The following STK32B variants were observed in gnomAD, a reference collection of about 807,000 sequenced individuals.
The protein encoded by STK32B is serine/threonine kinase 32B.
STK32B carries 43 observed loss-of-function variants against 52.6 expected under a neutral mutation model. The ratio of observed to expected loss-of-function variants is 0.82; its 90% CI spans 0.64 to 1.05. The LOEUF is 1.05. Among genes scored for constraint, STK32B ranks in the 50% least tolerant of loss-of-function variants. STK32B has a pLI of 0.00. For synonymous variants in STK32B, 238 were observed against 204.3 expected (o/e 1.17, Z -1.41); for missense variants, 621 against 534.6 (o/e 1.16, Z -1.59).
chr4:5,332,444 A>G (rs1229758484), intron 4 of STK32B, among the ~76,000 whole-genome samples: 4 of 152,128 alleles, frequency 2.6e-5, no homozygotes, highest in Non-Finnish European at 5.9e-5. Context: ...TGGTGAAAAG[A>G]GGCTATAATA....
At chr4:5,118,973 A>G (rs950196780) in intron 1 of STK32B, among the ~76,000 whole-genome samples, 3 of 152,290 alleles carry the variant, frequency 2.0e-5, no homozygotes, top group East Asian at 3.9e-4. Flanking sequence ...CCCCACACCC[A>G]GGAGCCTTTT....
intron 3 of STK32B, among the ~76,000 whole-genome samples, chr4:5,281,174 C>T (rs1728170750): frequency 6.6e-6 from 1 of 152,006 alleles, no homozygotes; most frequent in Non-Finnish European, 1.5e-5. Context: ...ATGAGAACAG[C>T]AAGGGGGAAA....
chr4:5,260,646 G>T (rs922226632), intron 3 of STK32B, among the ~76,000 whole-genome samples: 4 of 152,192 alleles, frequency 2.6e-5, no homozygotes, highest in Non-Finnish European at 5.9e-5. Context: ...GAAGTGAATG[G>T]CCTATTAGGG....
intron 3 of STK32B, among the ~76,000 whole-genome samples, chr4:5,173,592 G>A (rs1035241833): frequency 6.6e-6 from 1 of 152,180 alleles, no homozygotes; most frequent in African/African-American, 2.4e-5. Flanking sequence ...AGGTTGTTAA[G>A]TTTCCATGTA....
chr4:5,451,605 C>T (rs745523120), intron 7 of STK32B, among the ~76,000 whole-genome samples: 3 of 152,104 alleles, frequency 2.0e-5, no homozygotes, highest in Non-Finnish European at 1.5e-5. Flanking sequence ...AGTACAGGCC[C>T]GTGGTACAGG....
At chr4:5,137,991 G>A (rs1042786039) in intron 1 of STK32B, among the ~76,000 whole-genome samples, 2 of 152,168 alleles carry the variant, frequency 1.3e-5, no homozygotes, top group Admixed American at 6.5e-5. Context: ...TGGGGACCTC[G>A]GGAGTTTCTC....
intron 4 of STK32B, among the ~76,000 whole-genome samples, chr4:5,379,432 C>A (rs75419638): frequency 3.3e-5 from 5 of 152,138 alleles, no homozygotes; most frequent in Non-Finnish European, 2.9e-5. Context: ...GAGGCTCCCC[C>A]ACTCTGGTAC....
At chr4:5,174,217 C>T (rs573531068) in intron 3 of STK32B, among the ~76,000 whole-genome samples, 26 of 152,234 alleles carry the variant, frequency 1.7e-4, no homozygotes, top group Middle Eastern at 3.4e-3. Flanking sequence ...GATGGGTTTC[C>T]TGAATACAGG....
chr4:5,102,452 C>CCTTG (rs1468005109), intron 1 of STK32B, among the ~76,000 whole-genome samples: 3 of 70,764 alleles, frequency 4.2e-5, no homozygotes, highest in Non-Finnish European at 6.8e-5. Context: ...TTCCTTCCTT[C>CCTTG]CTTCCTTCCT....
At chr4:5,033,318 GA>G in the STK32B span, among the ~76,000 whole-genome samples, 4 of 152,136 alleles carry the variant, frequency 2.6e-5, no homozygotes, top group Admixed American at 2.0e-4. Context: ...ATGGCCCGTG[GA>G]AACCCTGCTT....
intron 6 of STK32B, among the ~76,000 whole-genome samples, chr4:5,419,667 C>G (rs1712461845): frequency 6.6e-6 from 1 of 152,146 alleles, no homozygotes; most frequent in Non-Finnish European, 1.5e-5. Flanking sequence ...CTACCATGCG[C>G]TTCTTGTCAC....
intron 4 of STK32B, among the ~76,000 whole-genome samples, chr4:5,343,995 A>G (rs1733281596): frequency 6.6e-6 from 1 of 152,214 alleles, no homozygotes; most frequent in Admixed American, 6.5e-5. Flanking sequence ...ATAGGAAAAT[A>G]GAGCAAATGA....
chr4:5,408,750 G>C (rs1306419521), intron 5 of STK32B, among the ~76,000 whole-genome samples: 1 of 152,046 alleles, frequency 6.6e-6, no homozygotes, highest in Non-Finnish European at 1.5e-5. Flanking sequence ...CCTAGCCCCT[G>C]TCTTCATGAG....
At chr4:5,260,360 G>A (rs1336840146) in intron 3 of STK32B, among the ~76,000 whole-genome samples, 1 of 152,188 alleles carries the variant, frequency 6.6e-6, no homozygotes, top group Admixed American at 6.5e-5. Context: ...TGAGATGATT[G>A]AGATGGGGCC....
At chr4:5,358,700 T>TC (rs1560349827) in intron 4 of STK32B, among the ~76,000 whole-genome samples, 17 of 112,692 alleles carry the variant, frequency 1.5e-4, no homozygotes, top group African/African-American at 5.2e-4. Flanking sequence ...TTCACACACA[T>TC]GCACACACAC....
intron 11 of STK32B, among the ~76,000 whole-genome samples, chr4:5,478,444 G>A (rs1718404592): frequency 6.6e-6 from 1 of 152,226 alleles, no homozygotes. Flanking sequence ...TCAGGCAACA[G>A]CTGATAAGAC....
chr4:5,217,388 C>T (rs1213284231), intron 3 of STK32B, among the ~76,000 whole-genome samples: 1 of 152,006 alleles, frequency 6.6e-6, no homozygotes, highest in African/African-American at 2.4e-5. Context: ...GTGAAGGAGG[C>T]GGTGGGGGAG....
chr4:5,371,111 C>T (rs879931296), intron 4 of STK32B, among the ~76,000 whole-genome samples: 1 of 151,796 alleles, frequency 6.6e-6, no homozygotes, highest in South Asian at 2.1e-4. Context: ...AGGACTATTG[C>T]AGTGAGTGTA....
At position 5,380,015 on chromosome 4, in the gene STK32B, C is replaced by T. The variant is rs1735837833; in HGVS notation, c.435-18192C>T. 6.6e-6 allele frequency among the ~76,000 whole-genome samples: 1 copy of T among 152,186 alleles called. No individual in the cohort carries two copies. The highest frequency in any genetic ancestry group is 6.5e-5 in the Admixed American group (1 of 15,280). On this transcript the variant is annotated intron_variant, in intron 4 of 11. Coordinates refer to ENST00000282908, the MANE Select transcript of STK32B (RefSeq NM_018401.3). This position sits in a 1 kb window ranked among gnomAD's most constrained non-coding sequence, Gnocchi z 4.3. ...ACTCCCAGGGCTGCAGCTGTAGCTACCACCGTCAGAGACAGGCCCTGAGGA... is the reference window on the plus strand; with the variant it reads ...ACTCCCAGGGCTGCAGCTGTAGCTATCACCGTCAGAGACAGGCCCTGAGGA...
Sources: gnomAD v4.1 joint callset for allele counts (sites outside exome capture counted in the v4.1 genomes callset) on GRCh38, gnomAD v4.1.1 for gene constraint, Gnocchi (gnomAD v3.1) non-coding constraint, MANE v1.5 for transcripts, NCBI Gene and HGNC (gene_info 2026-07-23, HGNC 2026-07-21) for gene names.